The following GALNT2 variants were observed in gnomAD, a reference collection of about 807,000 sequenced individuals.
GALNT2 encodes polypeptide N-acetylgalactosaminyltransferase 2.
In GALNT2, 31 loss-of-function variants were observed where a neutral mutation model predicts 81.4. The observed-to-expected ratio is 0.38, with a 90% CI of 0.29 to 0.51. The LOEUF (loss-of-function observed/expected upper bound fraction) is 0.51, where lower values mean the gene tolerates loss of function less well. Ranked by LOEUF, GALNT2 falls within the 20% of genes least tolerant of loss-of-function variation. The pLI, the probability that GALNT2 is intolerant of heterozygous loss-of-function variation, is 0.87. For synonymous variants in GALNT2, 303 were observed against 287.4 expected (o/e 1.05, Z -0.55); for missense variants, 629 against 765.7 (o/e 0.82, Z 2.11).
At chr1:230,263,900 A>G (rs1335026611) in intron 13 of GALNT2, 2 of 152,214 alleles carry the variant, frequency 1.3e-5, no homozygotes, top group Admixed American at 6.5e-5. Context: ...CAGTTAGGTA[A>G]TGCGGCCTCT....
chr1:230,222,031 C>CTCTTTTTTTTTTTTTTTTTTT (rs1553270493), intron 3 of GALNT2, among the ~76,000 whole-genome samples: 13 of 96,118 alleles, frequency 1.4e-4, no homozygotes, highest in African/African-American at 2.0e-4. Flanking sequence ...CTGCTTTTCT[C>CTCTTTTTTTTTTTTTTTTTTT]TTTTTTTTTT....
intron 15 of GALNT2, among the ~76,000 whole-genome samples, chr1:230,274,960 TAC>T (rs1666246413): frequency 6.9e-6 from 1 of 144,022 alleles, no homozygotes; most frequent in African/African-American, 2.5e-5. Context: ...CACACATATA[TAC>T]ACACCACATA....
Position 230,276,629 on chromosome 1 carries a change from C to T in GALNT2, c.1560+2065C>T, listed in dbSNP as rs80248048. 5.8e-3 allele frequency among the ~76,000 whole-genome samples: 888 copies of T among 152,342 alleles called. 12 individuals carry two copies. The highest frequency in any genetic ancestry group is 0.02 in the African/African-American group (849 of 41,564). ...TCACCTGTCTGTCTCCAAACCCCTG[C>T]GCCAGCTCTGGGTGCTCCTCCTTCC... is the stretch of plus-strand genomic sequence containing the variant. On this transcript the variant is annotated intron_variant, in intron 15 of 15. Transcript: ENST00000366672.
chr1:230,240,679 A>G (rs201417304), intron 6 of GALNT2, among the ~76,000 whole-genome samples: 2 of 150,922 alleles, frequency 1.3e-5, no homozygotes, highest in African/African-American at 2.4e-5. Context: ...TTTTTTTAAC[A>G]ATTTGATTAT....
chr1:230,248,745 C>T (rs1054569383), intron 8 of GALNT2, among the ~76,000 whole-genome samples: 2 of 152,162 alleles, frequency 1.3e-5, no homozygotes, highest in Non-Finnish European at 2.9e-5. Context: ...CTGACAAAGC[C>T]TCGTTCCCTC....
chr1:230,152,061 G>C (rs1274664658), intron 1 of GALNT2, among the ~76,000 whole-genome samples: 1 of 152,138 alleles, frequency 6.6e-6, no homozygotes, highest in East Asian at 1.9e-4. Context: ...CTCCTTTACT[G>C]TAGCCTGTCT....
At chr1:230,125,485 G>A (rs187070270) in intron 1 of GALNT2, among the ~76,000 whole-genome samples, 2 of 152,348 alleles carry the variant, frequency 1.3e-5, no homozygotes, top group East Asian at 1.9e-4. Flanking sequence ...GGTTTACTGC[G>A]TTTGGATCGT....
intron 1 of GALNT2, among the ~76,000 whole-genome samples, chr1:230,129,756 G>C (rs1418493451): frequency 6.6e-6 from 1 of 152,220 alleles, no homozygotes; most frequent in Non-Finnish European, 1.5e-5. Context: ...TTGTTCATGG[G>C]TATTCTGCAT....
chr1:230,088,733 T>C (rs1241107707), intron 1 of GALNT2, among the ~76,000 whole-genome samples: 1 of 152,022 alleles, frequency 6.6e-6, no homozygotes, highest in Non-Finnish European at 1.5e-5. Flanking sequence ...CAGACGGGGT[T>C]TCATTGTGTT....
intron 3 of GALNT2, among the ~76,000 whole-genome samples, chr1:230,219,721 C>G (rs1284922314): frequency 6.6e-6 from 1 of 152,188 alleles, no homozygotes; most frequent in Non-Finnish European, 1.5e-5. Flanking sequence ...TGGGGGCATT[C>G]TTTGCAAAGT....
intron 2 of GALNT2, among the ~76,000 whole-genome samples, chr1:230,186,339 C>G (rs767962611): frequency 6.6e-6 from 1 of 152,134 alleles, no homozygotes; most frequent in Non-Finnish European, 1.5e-5. Flanking sequence ...TCTGACTGGA[C>G]GCATGCATGC....
intron 1 of GALNT2, among the ~76,000 whole-genome samples, chr1:230,142,719 C>CTCTG (rs10638714): frequency 2.4e-4 from 37 of 151,828 alleles, no homozygotes; most frequent in Admixed American, 1.2e-3. Context: ...CTCTGTTCAC[C>CTCTG]TAAGTTCGCA....
At chr1:230,128,262 T>C (rs1661255658) in intron 1 of GALNT2, among the ~76,000 whole-genome samples, 1 of 151,908 alleles carries the variant, frequency 6.6e-6, no homozygotes, top group Non-Finnish European at 1.5e-5. Context: ...GGAGAATGTG[T>C]GTGTGTGTGT....
At chr1:230,058,162 T>C in intron 1 of GALNT2, 1 of 454,636 alleles carries the variant, frequency 2.2e-6, no homozygotes, top group Non-Finnish European at 4.4e-6. Flanking sequence ...TCTCCTTTCC[T>C]AGCACTCCTG....
chr1:230,116,639 C>T (rs1348323781), intron 1 of GALNT2, among the ~76,000 whole-genome samples: 1 of 152,226 alleles, frequency 6.6e-6, no homozygotes, highest in Non-Finnish European at 1.5e-5. Flanking sequence ...CCTCCTTGTG[C>T]ATCTCCATCA....
At chr1:230,207,804 C>T (rs953917337) in intron 3 of GALNT2, among the ~76,000 whole-genome samples, 7 of 152,294 alleles carry the variant, frequency 4.6e-5, no homozygotes, top group East Asian at 3.9e-4. Context: ...TGGTCTCAAA[C>T]TCCTGGCCTC....
At chr1:230,237,319 A>G (rs1392504619) in intron 6 of GALNT2, among the ~76,000 whole-genome samples, 1 of 152,236 alleles carries the variant, frequency 6.6e-6, no homozygotes, top group East Asian at 1.9e-4. Flanking sequence ...AGCTCCAATC[A>G]CAATGTAATT....
chr1:230,199,431 C>T (rs1183969566), intron 2 of GALNT2, among the ~76,000 whole-genome samples: 1 of 152,144 alleles, frequency 6.6e-6, no homozygotes, highest in East Asian at 1.9e-4. Flanking sequence ...TTAGCGTTTT[C>T]CAAATTATGG....
Position 230,251,551 on chromosome 1 carries a change from C to T in GALNT2, c.1009+991C>T, listed in dbSNP as rs1395850546. Among the ~76,000 whole-genome samples the T allele has an allele frequency of 2.0e-5, 3 of 152,174 alleles. 1 individual carries two copies. The highest frequency in any genetic ancestry group is 4.2e-4 in the South Asian group (2 of 4,804). On this transcript the variant is annotated intron_variant, in intron 10 of 15. Transcript: ENST00000366672. ...TACTATACTGCACGGGTGGAGAGACCGTGAGTCAAACTCCTTTTGGGTTGT... is the reference window on the plus strand; with the variant it reads ...TACTATACTGCACGGGTGGAGAGACTGTGAGTCAAACTCCTTTTGGGTTGT...
Sources: gnomAD v4.1 joint callset for allele counts (sites outside exome capture counted in the v4.1 genomes callset) on GRCh38, gnomAD v4.1.1 for gene constraint, MANE v1.5 for transcripts, NCBI Gene and HGNC (gene_info 2026-07-23, HGNC 2026-07-21) for gene names.